The following ARAP3 variants were observed in gnomAD, a reference collection of about 807,000 sequenced individuals.
ARAP3 encodes the protein ArfGAP with RhoGAP domain, ankyrin repeat and PH domain 3, also known as arf-GAP with Rho-GAP domain, ANK repeat and PH domain-containing protein 3.
ARAP3 carries 82 observed loss-of-function variants against 169.2 expected under a neutral mutation model. That is an observed-to-expected ratio of 0.48 (90% confidence interval 0.41 to 0.58). The LOEUF (loss-of-function observed/expected upper bound fraction) is 0.58. Among genes scored for constraint, ARAP3 ranks in the 20% least tolerant of loss-of-function variants. ARAP3 has a pLI of 0.00. For missense variants in ARAP3, 1,764 were observed against 2,018.0 expected, an observed-to-expected ratio of 0.87 and a Z score of 2.41; for synonymous variants, 791 against 800.3, an observed-to-expected ratio of 0.99 and a Z score of 0.20.
intron 19 of ARAP3, 50 bp downstream of exon 19, chr5:141,664,872 A>ACCCCCAC: frequency 2.5e-5 from 5 of 202,012 alleles, no homozygotes; most frequent in South Asian, 1.2e-4. Context: ...CCCCCTCATC[A>ACCCCCAC]CCCCCACCCC....
intron 21 of ARAP3, 71 bp from the exon 22 acceptor site, chr5:141,659,997 T>C: frequency 1.3e-6 from 2 of 1,493,434 alleles, no homozygotes; most frequent in East Asian, 2.5e-5. Flanking sequence ...GTCCCTATTG[T>C]ATGCCTGGGC....
intron 16 of ARAP3, among the ~76,000 whole-genome samples, chr5:141,667,435 CT>C (rs745903742): frequency 0.016 from 2,269 of 139,348 alleles, 28 homozygotes; most frequent in African/African-American, 0.051. Context: ...TACTTTCTTT[CT>C]TTTTTTTTTT....
chr5:141,680,664 C>T lies in ARAP3; in HGVS notation c.-17-161G>A, dbSNP rs2099912842. On this transcript the variant is annotated intron_variant, in intron 1 of 32. Coordinates refer to ENST00000239440, the MANE Select transcript of ARAP3 (RefSeq NM_022481.6). ...AAGCAGAGCCATCCCAGAACAACAG[C>T]AATGGCTCTCTACTTAGGGAAGGGA... 3.6e-6 allele frequency: 4 copies of T among 1,108,854 alleles called. No homozygotes were observed. The African/African-American group carries it at 4.7e-5, about 13-fold the overall frequency. 68.7% of individuals were successfully genotyped at this position (1,108,854 alleles called of 1,614,324 possible).
At position 141,679,538 on chromosome 5, in the gene ARAP3, T is replaced by C; in HGVS notation, c.698+7A>G. 1.2e-6 allele frequency: 2 copies of C among 1,613,590 alleles called. No individual in the cohort carries two copies. The highest frequency in any genetic ancestry group is 1.7e-6 in the Non-Finnish European group (2 of 1,179,706). ...TCCCTCCCACCACTTCCCTATTTAGTACTCACCTGTGTTCAGCCCTGCCCT... is the reference window on the plus strand; with the variant it reads ...TCCCTCCCACCACTTCCCTATTTAGCACTCACCTGTGTTCAGCCCTGCCCT... On this transcript the variant is annotated splice_region_variant and intron_variant, in intron 4 of 32. Coordinates refer to ENST00000239440, the MANE Select transcript of ARAP3 (RefSeq NM_022481.6).
chr5:141,655,211 ACACC>A, intron 32 of ARAP3, 147 bp downstream of exon 32: 3 of 657,090 alleles, frequency 4.6e-6, no homozygotes, highest in Admixed American at 2.5e-5. Context: ...ACACACACAC[ACACC>A]CTGATGGCCT....
Position 141,673,473 on chromosome 5 carries a change from GAGGA to G in ARAP3, c.903-7_903-4del. ...AGCGTCTCTGGAAGACATAGTTTCT[GAGGA>G]AGGAAGGAGCCAAGATCAGTGTTTG... is the stretch of plus-strand genomic sequence containing the variant. On this transcript the variant is annotated splice_polypyrimidine_tract_variant and splice_region_variant and intron_variant, in intron 5 of 32. Transcript: ENST00000239440. The G allele has an allele frequency of 6.2e-7, 1 of 1,614,174 alleles. No homozygotes were observed. The highest frequency in any genetic ancestry group is 8.5e-7 in the Non-Finnish European group (1 of 1,180,042).
At position 141,655,924 on chromosome 5, in the gene ARAP3, G is replaced by C. The variant is rs1254024598; in HGVS notation, c.3917C>G (p.Ser1306Cys). 1.2e-6 allele frequency: 2 copies of C among 1,613,904 alleles called. No individual in the cohort carries two copies. Among genetic ancestry groups the C allele is most frequent in the African/African-American group, 2.7e-5 (2 of 74,906 alleles). Residue 1306 changes from serine to cysteine, a missense_variant, in exon 30 of 33, where the codon TCC becomes TGC. By Grantham distance (112) the Ser-to-Cys change is moderately radical. This residue lies in a region of ARAP3 where 1,112 missense variants were observed against 1,285.7 expected (regional missense o/e 0.86). Transcript: ENST00000239440. ...LILEKMHLYLSCTDEDEMWDW... is the reference protein window; with the variant it reads ...LILEKMHLYLCCTDEDEMWDW... ...CCACATTTCATCCTCGTCAGTGCAG[G>C]ACAAGTAGCTGGGGTGATCAGAATG...
At chr5:141,668,710 G>A (rs2099911020) in intron 16 of ARAP3, among the ~76,000 whole-genome samples, 2 of 152,174 alleles carry the variant, frequency 1.3e-5, no homozygotes, top group Admixed American at 1.3e-4. Flanking sequence ...CTGGGAGAAG[G>A]GGGTCAAAAG....
intron 19 of ARAP3, among the ~76,000 whole-genome samples, chr5:141,662,927 A>G (rs1376490232): frequency 6.6e-6 from 1 of 152,192 alleles, no homozygotes; most frequent in East Asian, 1.9e-4. Context: ...TATATAAAAT[A>G]AGGTCTCTTT....
intron 22 of ARAP3, 150 bp downstream of exon 22, chr5:141,659,629 A>G (rs1409233310): frequency 1.5e-6 from 2 of 1,346,368 alleles, no homozygotes; most frequent in African/African-American, 2.9e-5. Context: ...GTGGGAGAAG[A>G]AGGGCCAGGG....
At chr5:141,657,164 A>G (rs1211074168) in intron 25 of ARAP3, among the ~76,000 whole-genome samples, 11 of 152,252 alleles carry the variant, frequency 7.2e-5, no homozygotes, top group Non-Finnish European at 1.3e-4. Flanking sequence ...AGACCTTTCA[A>G]AAGTGGCACT....
chr5:141,660,267 C>T (rs975357198), intron 21 of ARAP3, among the ~76,000 whole-genome samples: 1 of 151,968 alleles, frequency 6.6e-6, no homozygotes, highest in African/African-American at 2.4e-5. Flanking sequence ...CCGAGGCAGG[C>T]GGATCACGAG....
chr5:141,656,973 G>A (rs1454995500), intron 25 of ARAP3, 127 bp from the exon 26 acceptor site: 31 of 1,317,536 alleles, frequency 2.4e-5, no homozygotes, highest in Non-Finnish European at 1.5e-5. Context: ...CTGTCTCTAT[G>A]CCAGGAACTG....
chr5:141,659,722 T>G, intron 22 of ARAP3, 57 bp downstream of exon 22: 1 of 1,577,136 alleles, frequency 6.3e-7, no homozygotes, highest in Non-Finnish European at 8.6e-7. Context: ...CCAGAGTCTC[T>G]GGGTCCTGCA....
At position 141,655,404 on chromosome 5, in the gene ARAP3, G is replaced by A; in HGVS notation, c.4111-4C>T. Reference sequence around the variant, plus strand: ...TCCTCCGGTTGTGTAGTCGCCGCTGGACACAGGTGGGGTGGGGACAAGGGG... The same window carrying A: ...TCCTCCGGTTGTGTAGTCGCCGCTGAACACAGGTGGGGTGGGGACAAGGGG... On this transcript the variant is annotated splice_region_variant and splice_polypyrimidine_tract_variant and intron_variant, in intron 31 of 32. Transcript: ENST00000239440. The A allele has an allele frequency of 6.3e-7, 1 of 1,587,982 alleles. No homozygotes were observed. Among genetic ancestry groups the A allele is most frequent in the Non-Finnish European group, 8.6e-7 (1 of 1,166,916 alleles).
In ARAP3 at chr5:141,659,822, C is replaced by T. The variant is rs2099909707; in HGVS notation, c.3224G>A (p.Arg1075Gln). The part of the protein sequence containing the change: ...QTDGRGEHEV[R>Q]VLQELIDGYI... The stretch of plus-strand genomic sequence containing the variant: ...GCCATCAATGAGCTCTTGCAGCACT[C>T]GCACCTCGTGCTCCCCTCGCCCATC... Residue 1075 changes from arginine to glutamine, a missense_variant, in exon 22 of 33, where the codon CGA (arginine) becomes CAA (glutamine). By Grantham distance (43) the Arg-to-Gln change is conservative (BLOSUM62 1). Transcript: ENST00000239440. 12 of 1,612,120 alleles carry T rather than the reference C, an allele frequency of 7.4e-6. No individual in the cohort carries two copies. The East Asian group carries it at 1.6e-4, about 21-fold the overall frequency.
At position 141,664,919 on chromosome 5, in the gene ARAP3, C is replaced by T. The variant is rs762779770; in HGVS notation, c.2800+3G>A. 11 of 1,386,126 alleles carry T rather than the reference C, an allele frequency of 7.9e-6. No individual in the cohort carries two copies. Among genetic ancestry groups the T allele is most frequent in the South Asian group, 1.1e-5 (1 of 87,508 alleles). The allele number at this position is 1,386,126 out of a possible 1,614,324, so 85.9% of individuals were successfully genotyped here. A position where few individuals can be genotyped will look rare whatever the true frequency, so the allele number is the denominator to read the frequency against. ...GGCTCAGTACCAGCCAGTGCCTACT[C>T]ACCATGCTGGGTAACAAAACTGATG... On this transcript the variant is annotated splice_donor_region_variant and intron_variant, in intron 19 of 32. Coordinates refer to ENST00000239440, the MANE Select transcript of ARAP3 (RefSeq NM_022481.6).
chr5:141,656,217 G>A lies in ARAP3; in HGVS notation c.3849C>T (p.Arg1283=). 1 of 1,614,176 alleles carries A rather than the reference G, an allele frequency of 6.2e-7. No homozygotes were observed. Among genetic ancestry groups the A allele is most frequent in the South Asian group, 1.1e-5 (1 of 91,086 alleles). ...ACGGTGTTGGGGGCTTTAACTTCTT[G>A]CGGATTCCCAGGTAGACCTTGGCAC... is the stretch of plus-strand genomic sequence containing the variant. ...LEGAKVYLGI[R]KKLKPPTPWG... is the part of the protein sequence containing the mutation. Residue 1283 remains arginine, a synonymous_variant, in exon 28 of 33, where the codon CGC becomes CGT. Transcript: ENST00000239440.
intron 19 of ARAP3, among the ~76,000 whole-genome samples, chr5:141,663,356 G>A (rs1349192185): frequency 1.3e-5 from 2 of 152,148 alleles, no homozygotes; most frequent in Non-Finnish European, 2.9e-5. Context: ...GGAGTGAAGT[G>A]GTGCCATCTC....
Sources: gnomAD v4.1 joint callset for allele counts (sites outside exome capture counted in the v4.1 genomes callset) on GRCh38, gnomAD v4.1.1 for gene constraint, gnomAD v4.1.1 regional missense constraint, MANE v1.5 for transcripts, NCBI Gene and HGNC (gene_info 2026-07-23, HGNC 2026-07-21) for gene names.